PTPN12: variants seen among roughly 807,000 people sequenced by gnomAD.
The protein encoded by PTPN12 is protein tyrosine phosphatase non-receptor type 12, also known as tyrosine-protein phosphatase non-receptor type 12.
PTPN12 carries 29 observed loss-of-function variants against 97.6 expected under a neutral mutation model. The ratio of observed to expected loss-of-function variants is 0.30; its 90% CI spans 0.22 to 0.41. PTPN12 has a LOEUF of 0.41. Among genes scored for constraint, PTPN12 ranks in the 10% least tolerant of loss-of-function variants. The pLI is 1.00. For missense variants in PTPN12, 819 were observed against 926.0 expected (o/e 0.88, Z 1.50); for synonymous variants, 327 against 300.4 (o/e 1.09, Z -0.91).
chr7:77,592,470 A>G (rs1404451126), intron 6 of PTPN12: 4 of 441,262 alleles, frequency 9.1e-6, no homozygotes, highest in African/African-American at 2.1e-5. Context: ...GTATCTTACT[A>G]TATTGATTGT....
chr7:77,562,740 A>T (rs894884084), intron 1 of PTPN12, among the ~76,000 whole-genome samples: 1 of 152,148 alleles, frequency 6.6e-6, no homozygotes, highest in Non-Finnish European at 1.5e-5. Flanking sequence ...CAAACCTGGA[A>T]CACTTTCCAT....
intron 1 of PTPN12, among the ~76,000 whole-genome samples, chr7:77,568,231 A>T (rs2151315531): frequency 6.6e-6 from 1 of 152,346 alleles, no homozygotes; most frequent in South Asian, 2.1e-4. Flanking sequence ...TAAGATAAAT[A>T]TTTGGACGCA....
intron 12 of PTPN12, among the ~76,000 whole-genome samples, chr7:77,623,242 TA>T (rs1220243666): frequency 6.6e-6 from 1 of 152,246 alleles, no homozygotes; most frequent in Non-Finnish European, 1.5e-5. Flanking sequence ...TAAGTTTTTT[TA>T]AATTAAAAAC....
At chr7:77,627,746 T>C in intron 13 of PTPN12, 71 bp downstream of exon 13, 22 of 1,377,036 alleles carry the variant, frequency 1.6e-5, no homozygotes, top group Non-Finnish European at 2.0e-5. Flanking sequence ...ACTTTAGCTG[T>C]ATTGATTTAT....
At chr7:77,557,495 C>G (rs1213143012) in intron 1 of PTPN12, among the ~76,000 whole-genome samples, 1 of 152,098 alleles carries the variant, frequency 6.6e-6, no homozygotes, top group African/African-American at 2.4e-5. Flanking sequence ...GTTTGTTTAG[C>G]TTTTTACTTG....
intron 6 of PTPN12, among the ~76,000 whole-genome samples, chr7:77,597,481 C>T (rs1483680053): frequency 6.6e-6 from 1 of 152,142 alleles, no homozygotes; most frequent in Non-Finnish European, 1.5e-5. Flanking sequence ...GCTTATTTCA[C>T]TTAGTAATGT....
intron 2 of PTPN12, among the ~76,000 whole-genome samples, chr7:77,579,521 T>C (rs1787446075): frequency 6.6e-6 from 1 of 152,216 alleles, no homozygotes; most frequent in Non-Finnish European, 1.5e-5. Context: ...TTTATAAGTG[T>C]TAATTTTGTG....
chr7:77,636,922 G>A (rs535365305), intron 15 of PTPN12, 96 bp from the exon 16 acceptor site: 2 of 851,920 alleles, frequency 2.3e-6, no homozygotes, highest in East Asian at 5.6e-5. Context: ...GATAGGCCTT[G>A]ATTTCTTGGG....
Position 77,619,695 on chromosome 7 carries a change from G to A in PTPN12, c.1025+1130G>A, listed in dbSNP as rs541374992. Reference sequence around the variant, plus strand: ...TTACTTCATTGTAGTGAGAGTACTCGTATTCTCCGTTTTTAAAAATTAGTG... The same window carrying A: ...TTACTTCATTGTAGTGAGAGTACTCATATTCTCCGTTTTTAAAAATTAGTG... On this transcript the variant is annotated intron_variant, in intron 12 of 17. Transcript: ENST00000248594. Among the ~76,000 whole-genome samples the A allele has an allele frequency of 3.9e-4, 59 of 152,204 alleles. No homozygotes were observed. The Middle Eastern group carries it at 0.01, about 26-fold the overall frequency.
rs927314460 is a variant in PTPN12 at position 77,548,206 on chromosome 7, A to G, written c.99+10561A>G. On this transcript the variant is annotated intron_variant, in intron 1 of 17. Coordinates refer to ENST00000248594, the MANE Select transcript of PTPN12 (RefSeq NM_002835.4). ...ATCAGATATGTTTAAAGTGCCCTGTAGAAAGAAATTACATTTAAAAAGCCT... is the reference window on the plus strand; with the variant it reads ...ATCAGATATGTTTAAAGTGCCCTGTGGAAAGAAATTACATTTAAAAAGCCT... Among the ~76,000 whole-genome samples the G allele has an allele frequency of 1.2e-4, 18 of 152,334 alleles. No individual in the cohort carries two copies. In the South Asian group the frequency reaches 2.7e-3, roughly 23 times the overall value.
intron 2 of PTPN12, among the ~76,000 whole-genome samples, chr7:77,575,774 C>T (rs769184919): frequency 6.6e-6 from 1 of 152,116 alleles, no homozygotes; most frequent in Non-Finnish European, 1.5e-5. Context: ...AATCAGCTTT[C>T]TGTCTGTATA....
chr7:77,626,930 GA>G lies in PTPN12; in HGVS notation c.1256del (p.Asn419MetfsTer8). On this transcript the variant is annotated frameshift_variant, in exon 13 of 18. Transcript: ENST00000248594. LOFTEE classifies it high-confidence loss of function. ...ATAGTAAATCAACAGAACTTCCAGG[GA>G]AAAATGAATCAACAATTGAACAGAT... ...NYSKSTELPG[K>X]NESTIEQIDK... 6.2e-7 allele frequency: 1 copy of G among 1,607,922 alleles called. No individual in the cohort carries two copies. The highest frequency in any genetic ancestry group is 8.5e-7 in the Non-Finnish European group (1 of 1,178,116).
At chr7:77,553,928 G>T (rs747496376) in intron 1 of PTPN12, among the ~76,000 whole-genome samples, 1 of 147,710 alleles carries the variant, frequency 6.8e-6, no homozygotes, top group Admixed American at 6.9e-5. Flanking sequence ...TCCTTTCTTA[G>T]CATGTCAGTT....
intron 13 of PTPN12, among the ~76,000 whole-genome samples, chr7:77,630,264 A>C (rs1462654832): frequency 6.6e-6 from 1 of 152,214 alleles, no homozygotes; most frequent in East Asian, 1.9e-4. Flanking sequence ...TATCTTATAG[A>C]GCCATTGGCA....
At chr7:77,620,965 A>G (rs1183200431) in intron 12 of PTPN12, among the ~76,000 whole-genome samples, 1 of 150,630 alleles carries the variant, frequency 6.6e-6, no homozygotes, top group Non-Finnish European at 1.5e-5. Context: ...AAAAAACAAA[A>G]ATAAAGTACA....
chr7:77,546,721 G>A (rs1326926405), intron 1 of PTPN12, among the ~76,000 whole-genome samples: 1 of 152,158 alleles, frequency 6.6e-6, no homozygotes, highest in Non-Finnish European at 1.5e-5. Context: ...AAAGGAAAGA[G>A]GTTTAATTGA....
chr7:77,638,536 G>T (rs1472189452), intron 16 of PTPN12, 88 bp from the exon 17 acceptor site: 4 of 1,358,360 alleles, frequency 2.9e-6, no homozygotes, highest in East Asian at 5.6e-5. Context: ...CTCTTTTCAT[G>T]CTTGCCAACA....
chr7:77,570,695 A>G (rs939206326), intron 1 of PTPN12, among the ~76,000 whole-genome samples: 6 of 152,256 alleles, frequency 3.9e-5, no homozygotes, highest in African/African-American at 1.2e-4. Context: ...GTGCGTGCTC[A>G]TGGTTTATTG....
chr7:77,626,231 G>T (rs1331869082), intron 12 of PTPN12, among the ~76,000 whole-genome samples: 1 of 152,178 alleles, frequency 6.6e-6, no homozygotes, highest in Admixed American at 6.5e-5. Flanking sequence ...TAGAAGAAAA[G>T]ATACGAAATC....
Sources: allele counts gnomAD v4.1 joint callset (sites outside exome capture counted in the v4.1 genomes callset), GRCh38; gene constraint gnomAD v4.1.1; transcripts MANE v1.5; gene names NCBI Gene and HGNC (gene_info 2026-07-23, HGNC 2026-07-21).